The following ACTR3C variants were observed in gnomAD, a reference collection of about 807,000 sequenced individuals.
The protein encoded by ACTR3C is actin-related protein 3C.
Under a neutral mutation model 26.3 loss-of-function variants are expected in ACTR3C, and 18 were observed. That is an observed-to-expected ratio of 0.68 (90% confidence interval 0.47 to 1.01). The LOEUF (loss-of-function observed/expected upper bound fraction) is 1.01, where lower values mean the gene tolerates loss of function less well. Among genes scored for constraint, ACTR3C ranks in the 50% least tolerant of loss-of-function variants. The probability of loss-of-function intolerance (pLI) is 0.00; values close to 1 mark genes in which losing one functional copy is unlikely to be tolerated. For missense variants in ACTR3C, 184 were observed against 250.7 expected (o/e 0.73, Z 1.80); for synonymous variants, 55 against 94.5 (o/e 0.58, Z 2.42).
the ACTR3C span, among the ~76,000 whole-genome samples, chr7:150,081,206 G>T: frequency 2.6e-5 from 4 of 151,114 alleles, no homozygotes; most frequent in Non-Finnish European, 5.9e-5. Context: ...GGAAGGGAGG[G>T]AAGGAGGGAA....
chr7:149,919,173 T>G, the ACTR3C span, among the ~76,000 whole-genome samples: 10 of 151,620 alleles, frequency 6.6e-5, no homozygotes, highest in African/African-American at 2.2e-4. Flanking sequence ...TTAATTTTTT[T>G]TGTTTTGCAA....
At position 150,323,225 on chromosome 7, in the gene ACTR3C, T is replaced by A. The variant is rs1797742016; in HGVS notation, c.-52+244A>T. On this transcript the variant is annotated intron_variant, in intron 1 of 7. Coordinates refer to ENST00000683684, the MANE Select transcript of ACTR3C (RefSeq NM_001164458.2). ...TCAGGCACCGCAGGTAGGAGGAACG[T>A]ACCAACTGCGAGGCGGGGGGTGCGC... 5 of 243,912 alleles carry A rather than the reference T, an allele frequency of 2.0e-5. 1 individual carries two copies. In the Admixed American group the frequency reaches 3.0e-4, roughly 15 times the overall value. 15.1% of individuals were successfully genotyped at this position (243,912 alleles called of 1,614,324 possible).
At chr7:149,913,432 G>A in the ACTR3C span, among the ~76,000 whole-genome samples, 3 of 152,072 alleles carry the variant, frequency 2.0e-5, no homozygotes, top group African/African-American at 7.2e-5. Flanking sequence ...TCCTCAAAGT[G>A]TTCCTCAAAA....
the ACTR3C span, among the ~76,000 whole-genome samples, chr7:150,146,504 T>C: frequency 1.3e-5 from 2 of 152,242 alleles, no homozygotes; most frequent in South Asian, 4.1e-4. Flanking sequence ...AACACTGTTT[T>C]TTAATCCATT....
At position 150,249,026 on chromosome 7, in the gene ACTR3C, T is replaced by G. The variant is rs1234768749; in HGVS notation, c.593A>C (p.Gln198Pro). ...KMEQIPLSYPQGHGFHPLSPP... is the reference protein window; with the variant it reads ...KMEQIPLSYPPGHGFHPLSPP... ...TGACAGAGGATGGAATCCGTGACCT[T>G]GAGGATAGCTCAGTGGAATTTGTTC... Residue 198 changes from glutamine to proline, a missense_variant, in exon 7 of 8, where the codon CAA becomes CCA. By Grantham distance (76) the Gln-to-Pro change is moderately conservative. Coordinates refer to ENST00000683684, the MANE Select transcript of ACTR3C (RefSeq NM_001164458.2). The G allele has an allele frequency of 4.4e-6, 3 of 686,810 alleles. No individual in the cohort carries two copies. Among genetic ancestry groups the G allele is most frequent in the Admixed American group, 4.3e-5 (2 of 46,106 alleles). 42.5% of individuals were successfully genotyped at this position (686,810 alleles called of 1,614,324 possible).
chr7:150,036,993 TCCGC>T, the ACTR3C span, among the ~76,000 whole-genome samples: 19 of 44,008 alleles, frequency 4.3e-4, no homozygotes, highest in Admixed American at 1.2e-3. Flanking sequence ...GGGGGGTGCC[TCCGC>T]CCCCCTGCGA....
chr7:149,967,198 C>T, the ACTR3C span, among the ~76,000 whole-genome samples: 1 of 151,890 alleles, frequency 6.6e-6, no homozygotes, highest in African/African-American at 2.4e-5. Context: ...CCACGCCCGG[C>T]TAATTTTTTT....
At chr7:150,143,775 C>T in the ACTR3C span, among the ~76,000 whole-genome samples, 3 of 152,360 alleles carry the variant, frequency 2.0e-5, no homozygotes, top group South Asian at 6.2e-4. Context: ...CGGCCAGACC[C>T]ACCTGCAACC....
At chr7:150,221,164 C>T in the ACTR3C span, among the ~76,000 whole-genome samples, 3 of 152,248 alleles carry the variant, frequency 2.0e-5, no homozygotes, top group African/African-American at 7.2e-5. Context: ...CGGTCGGTGC[C>T]ATTGGTTGGC....
At chr7:149,929,425 C>CAAAAAAAAAA in the ACTR3C span, among the ~76,000 whole-genome samples, 2 of 49,128 alleles carry the variant, frequency 4.1e-5, no homozygotes, top group Non-Finnish European at 6.7e-5. Context: ...AAGATTCTGT[C>CAAAAAAAAAA]AAAAAAAAAA....
At chr7:149,982,193 T>C in the ACTR3C span, among the ~76,000 whole-genome samples, 3 of 152,294 alleles carry the variant, frequency 2.0e-5, no homozygotes, top group Middle Eastern at 3.4e-3. Flanking sequence ...CTCCCAACGC[T>C]CTATACCTGC....
the ACTR3C span, among the ~76,000 whole-genome samples, chr7:150,034,024 C>G: frequency 7.2e-5 from 10 of 139,490 alleles, no homozygotes; most frequent in Admixed American, 1.4e-4. Flanking sequence ...ATGGTGGTCC[C>G]AAGAGCCAGG....
chr7:150,109,604 C>T, the ACTR3C span, among the ~76,000 whole-genome samples: 1 of 148,926 alleles, frequency 6.7e-6, no homozygotes, highest in South Asian at 2.1e-4. Flanking sequence ...TTCTTCTCGG[C>T]ATTTGCTTCC....
the ACTR3C span, among the ~76,000 whole-genome samples, chr7:150,023,149 CTATATAGATATCTATATAGA>C: frequency 2.0e-4 from 15 of 76,698 alleles, no homozygotes; most frequent in African/African-American, 3.5e-4. Flanking sequence ...ATATAGATAT[CTATATAGATATCTATATAGA>C]TATATAGATA....
At chr7:150,103,744 G>A in the ACTR3C span, among the ~76,000 whole-genome samples, 1 of 151,938 alleles carries the variant, frequency 6.6e-6, no homozygotes, top group East Asian at 1.9e-4. Context: ...TATTGCTATG[G>A]TTGAGGGCAC....
At chr7:149,972,924 G>C in the ACTR3C span, among the ~76,000 whole-genome samples, 12 of 151,602 alleles carry the variant, frequency 7.9e-5, no homozygotes, top group Non-Finnish European at 1.5e-4. Context: ...ATCATAGTGA[G>C]TGGGCAGCAT....
chr7:150,115,699 C>A, the ACTR3C span, among the ~76,000 whole-genome samples: 1 of 152,234 alleles, frequency 6.6e-6, no homozygotes, highest in African/African-American at 2.4e-5. Flanking sequence ...AGACACATCA[C>A]ATGGGCAAAT....
intron 6 of ACTR3C, among the ~76,000 whole-genome samples, chr7:150,252,593 T>TC (rs1563147241): frequency 6.6e-6 from 1 of 152,184 alleles, no homozygotes; most frequent in East Asian, 1.9e-4. Flanking sequence ...TATGAAACAT[T>TC]TTAGAGTAAT....
Position 150,313,831 on chromosome 7 carries a change from G to A in ACTR3C, c.-52+9638C>T, listed in dbSNP as rs1023478913. 5.9e-5 allele frequency among the ~76,000 whole-genome samples: 9 copies of A among 152,184 alleles called. 1 individual carries two copies. On this transcript the variant is annotated intron_variant, in intron 1 of 7. Coordinates refer to ENST00000683684, the MANE Select transcript of ACTR3C (RefSeq NM_001164458.2). The stretch of plus-strand genomic sequence containing the variant: ...CTGGAAGGGCTCACTGAGCCTTCTT[G>A]GCAGCTACCTGGAGACCTGCCTGGA...
Sources: allele counts gnomAD v4.1 joint callset (sites outside exome capture counted in the v4.1 genomes callset), GRCh38; gene constraint gnomAD v4.1.1; transcripts MANE v1.5; gene names NCBI Gene and HGNC (gene_info 2026-07-23, HGNC 2026-07-21).